Variants in GALNT13 observed in about 807,000 individuals in gnomAD.
GALNT13 encodes polypeptide N-acetylgalactosaminyltransferase 13.
A neutral mutation model predicts 64.2 loss-of-function variants in GALNT13; 28 were observed. The ratio of observed to expected loss-of-function variants is 0.44; its 90% CI spans 0.32 to 0.60. The LOEUF (loss-of-function observed/expected upper bound fraction) is 0.60. GALNT13 is among the 20% of genes least tolerant of loss of function. The pLI is 0.05. For synonymous variants in GALNT13, 214 were observed against 224.6 expected, an observed-to-expected ratio of 0.95 and a Z score of 0.42; for missense variants, 577 against 669.8, an observed-to-expected ratio of 0.86 and a Z score of 1.53.
chr2:153,819,959 G>C, the GALNT13 span, among the ~76,000 whole-genome samples: 2 of 152,292 alleles, frequency 1.3e-5, no homozygotes, highest in East Asian at 3.9e-4. Context: ...GCATGGATTG[G>C]AAGAAAGCCC....
At chr2:153,276,492 A>G in the GALNT13 span, among the ~76,000 whole-genome samples, 1 of 152,104 alleles carries the variant, frequency 6.6e-6, no homozygotes, top group Non-Finnish European at 1.5e-5. Context: ...ATATTTCCAT[A>G]AACTATATAT....
At chr2:153,505,124 A>C in the GALNT13 span, among the ~76,000 whole-genome samples, 12,867 of 152,150 alleles carry the variant, frequency 0.085, 645 homozygotes, top group Middle Eastern at 0.15. Flanking sequence ...GTATATTTCC[A>C]GGAATCTGTC....
the GALNT13 span, among the ~76,000 whole-genome samples, chr2:153,732,825 A>G: frequency 2.6e-5 from 4 of 152,104 alleles, no homozygotes; most frequent in Admixed American, 6.6e-5. Context: ...TCTACCGTAG[A>G]GATAGGTATG....
chr2:153,460,339 G>C, the GALNT13 span, among the ~76,000 whole-genome samples: 1 of 151,948 alleles, frequency 6.6e-6, no homozygotes, highest in Non-Finnish European at 1.5e-5. Context: ...TTGACATTAT[G>C]TTTTCAGGAT....
the GALNT13 span, among the ~76,000 whole-genome samples, chr2:153,638,534 A>T: frequency 6.1e-5 from 2 of 33,004 alleles, 1 homozygote; most frequent in South Asian, 2.8e-3. Context: ...GGGATGGAAG[A>T]ATTGCTAGAA....
the GALNT13 span, among the ~76,000 whole-genome samples, chr2:153,455,788 C>G: frequency 1.3e-5 from 2 of 152,254 alleles, no homozygotes; most frequent in South Asian, 4.1e-4. Context: ...GCCAGTGTGG[C>G]AGCCTTTTGT....
chr2:154,163,501 A>G (rs1201117958), intron 4 of GALNT13, among the ~76,000 whole-genome samples: 2 of 152,130 alleles, frequency 1.3e-5, no homozygotes, highest in Non-Finnish European at 2.9e-5. Context: ...CTCAACCCAC[A>G]TTCTTTAGTA....
chr2:154,378,899 GCCTCTAC>G, intron 9 of GALNT13, among the ~76,000 whole-genome samples: 1 of 152,144 alleles, frequency 6.6e-6, no homozygotes, highest in East Asian at 1.9e-4. Flanking sequence ...TTGTCATGAT[GCCTCTAC>G]TTTGGCTTGG....
the GALNT13 span, among the ~76,000 whole-genome samples, chr2:153,180,717 C>T: frequency 6.6e-6 from 1 of 151,710 alleles, no homozygotes; most frequent in South Asian, 2.1e-4. Flanking sequence ...GTTGGTTCAA[C>T]CTTTCTGTGT....
chr2:153,867,719 C>T (rs563649974), upstream of GALNT13, among the ~76,000 whole-genome samples: 3 of 151,840 alleles, frequency 2.0e-5, no homozygotes, highest in South Asian at 4.2e-4. Flanking sequence ...ATGGTCCCAT[C>T]TGGGGGTGAT....
At chr2:154,384,908 A>G (rs10206497) in intron 9 of GALNT13, among the ~76,000 whole-genome samples, 150,106 of 151,936 alleles carry the variant, frequency 0.99, 74,177 homozygotes, top group Middle Eastern at 1. Flanking sequence ...ACAACAATTA[A>G]GATGCATTAA....
chr2:153,813,946 G>A, the GALNT13 span, among the ~76,000 whole-genome samples: 1 of 152,252 alleles, frequency 6.6e-6, no homozygotes, highest in African/African-American at 2.4e-5. Flanking sequence ...TGGCACTTTG[G>A]TGCTCCCTGA....
chr2:153,534,470 A>G, the GALNT13 span, among the ~76,000 whole-genome samples: 1 of 151,592 alleles, frequency 6.6e-6, no homozygotes, highest in African/African-American at 2.4e-5. Context: ...TACTTTCCCC[A>G]AGGTCAGTTA....
the GALNT13 span, among the ~76,000 whole-genome samples, chr2:153,293,573 A>T: frequency 2.0e-5 from 3 of 152,064 alleles, no homozygotes; most frequent in African/African-American, 7.2e-5. Flanking sequence ...GCTCAGTCAA[A>T]CCCGTTTTGG....
intron 9 of GALNT13, among the ~76,000 whole-genome samples, chr2:154,387,425 G>A (rs1286428015): frequency 6.6e-6 from 1 of 151,964 alleles, no homozygotes; most frequent in Non-Finnish European, 1.5e-5. Context: ...CCATAACCTT[G>A]CTTACCTATT....
the GALNT13 span, among the ~76,000 whole-genome samples, chr2:153,278,735 A>G: frequency 6.6e-6 from 1 of 152,084 alleles, no homozygotes; most frequent in Non-Finnish European, 1.5e-5. Context: ...ACAACAAAGT[A>G]TCATGCTTTG....
intron 3 of GALNT13, among the ~76,000 whole-genome samples, chr2:154,058,666 T>G (rs1700022643): frequency 6.6e-6 from 1 of 152,136 alleles, no homozygotes; most frequent in African/African-American, 2.4e-5. Context: ...GGCCCTAGGG[T>G]GGCATCATGT....
At chr2:153,312,144 A>G in the GALNT13 span, among the ~76,000 whole-genome samples, 1 of 152,178 alleles carries the variant, frequency 6.6e-6, no homozygotes, top group Non-Finnish European at 1.5e-5. Flanking sequence ...ATCTATCACT[A>G]TAGGGCTTGA....
intron 3 of GALNT13, among the ~76,000 whole-genome samples, chr2:154,106,024 C>G (rs542860550): frequency 5.9e-5 from 9 of 152,154 alleles, no homozygotes; most frequent in African/African-American, 2.2e-4. Context: ...GTCACTCACT[C>G]AGCTCTCATT....
Sources: gnomAD v4.1 joint callset for allele counts (sites outside exome capture counted in the v4.1 genomes callset) on GRCh38, gnomAD v4.1.1 for gene constraint, MANE v1.5 for transcripts, NCBI Gene and HGNC (gene_info 2026-07-23, HGNC 2026-07-21) for gene names.